The following RARS1 variants were observed in gnomAD, a reference collection of about 807,000 sequenced individuals.
RARS1 encodes arginine--tRNA ligase, cytoplasmic.
Under a neutral mutation model 78.7 loss-of-function variants are expected in RARS1, and 75 were observed. That is an observed-to-expected ratio of 0.95 (90% CI 0.79 to 1.15). RARS1 has a LOEUF of 1.15. Among genes scored for constraint, RARS1 ranks in the 50% most tolerant of loss-of-function variants. RARS1 has a pLI of 0.00. For synonymous variants in RARS1, 273 were observed against 268.2 expected, an observed-to-expected ratio of 1.02 and a Z score of -0.18; for missense variants, 787 against 787.5, an observed-to-expected ratio of 1.00 and a Z score of 0.01.
intron 13 of RARS1, among the ~76,000 whole-genome samples, chr5:168,517,231 C>G (rs766871892): frequency 1.1e-4 from 16 of 152,098 alleles, no homozygotes; most frequent in Non-Finnish European, 2.2e-4. Flanking sequence ...CAACCTCCAC[C>G]TCCCGGGTTC....
At chr5:168,507,767 G>A (rs956320564) in intron 11 of RARS1, among the ~76,000 whole-genome samples, 9 of 152,044 alleles carry the variant, frequency 5.9e-5, no homozygotes, top group African/African-American at 1.9e-4. Flanking sequence ...GCTAGGCAAA[G>A]TGGCTCTCAC....
Position 168,486,518 on chromosome 5 carries a change from A to G in RARS1, c.20A>G (p.Glu7Gly), listed in dbSNP as rs757722024. MDVLVSECSARLLQQEE... is the reference protein window; with the variant it reads MDVLVSGCSARLLQQEE... ...GGGAGGATGGACGTACTGGTGTCTG[A>G]GTGCTCCGCGCGGCTGCTGCAGCAG... The change falls in exon 1 of 15, where the codon GAG becomes GGG. Residue 7 changes from glutamate to glycine, a missense_variant. By Grantham distance (98) the Glu-to-Gly change is moderately conservative. Coordinates refer to ENST00000231572, the MANE Select transcript of RARS1 (RefSeq NM_002887.4). 3 of 1,559,138 alleles carry G rather than the reference A, an allele frequency of 1.9e-6. No homozygotes were observed. In the Admixed American group the frequency reaches 5.9e-5, roughly 30 times the overall value.
chr5:168,515,775 T>G (rs1758655195), intron 12 of RARS1, among the ~76,000 whole-genome samples: 2 of 152,234 alleles, frequency 1.3e-5, no homozygotes, highest in African/African-American at 2.4e-5. Context: ...CAGAACTGCC[T>G]TGTGTCACAC....
intron 11 of RARS1, among the ~76,000 whole-genome samples, chr5:168,507,125 C>T (rs1246700825): frequency 6.6e-6 from 1 of 152,158 alleles, no homozygotes; most frequent in African/African-American, 2.4e-5. Flanking sequence ...ATTACAGTAC[C>T]TGCTCAGATT....
Position 168,486,492 on chromosome 5 carries a change from T to G in RARS1, c.-7T>G. The G allele has an allele frequency of 1.3e-6, 2 of 1,557,542 alleles. 1 individual carries two copies. Among genetic ancestry groups the G allele is most frequent in the South Asian group, 2.4e-5 (2 of 84,570 alleles). On this transcript the variant is annotated 5_prime_UTR_variant, in exon 1 of 15. The change abolishes an upstream ATG in the 5' untranslated region. Transcript: ENST00000231572. ...GTCCACTTGGCGAGTGAGACGCTGA[T>G]GGGAGGATGGACGTACTGGTGTCTG... is the stretch of plus-strand genomic sequence containing the variant.
chr5:168,508,275 C>T (rs936247543), intron 11 of RARS1, among the ~76,000 whole-genome samples: 6 of 151,370 alleles, frequency 4.0e-5, no homozygotes, highest in African/African-American at 1.5e-4. Context: ...TTTTTCTGCA[C>T]TCAGCAGCAT....
At chr5:168,487,141 T>TC (rs1190309871) in intron 1 of RARS1, among the ~76,000 whole-genome samples, 2 of 151,980 alleles carry the variant, frequency 1.3e-5, no homozygotes, top group African/African-American at 2.4e-5. Context: ...GGTGGGCGGA[T>TC]CACGATGTCA....
intron 3 of RARS1, 133 bp downstream of exon 3, chr5:168,492,980 G>A: frequency 1.1e-6 from 1 of 908,556 alleles, no homozygotes; most frequent in Non-Finnish European, 1.6e-6. Context: ...TGAAAAACTT[G>A]AGAAAGGAGT....
chr5:168,513,054 T>C (rs1008294044), intron 12 of RARS1, among the ~76,000 whole-genome samples: 1 of 149,704 alleles, frequency 6.7e-6, no homozygotes, highest in African/African-American at 2.4e-5. Flanking sequence ...TTTCTTTCCT[T>C]TTTTTTTTTG....
intron 12 of RARS1, among the ~76,000 whole-genome samples, chr5:168,516,512 G>A (rs1422927327): frequency 6.6e-6 from 1 of 152,108 alleles, no homozygotes; most frequent in Non-Finnish European, 1.5e-5. Context: ...TGAATACACT[G>A]GAAAAAGGTA....
In RARS1 at chr5:168,488,589, T is replaced by C. The variant is rs571070004; in HGVS notation, c.46-13T>C. 1 of 1,595,356 alleles carries C rather than the reference T, an allele frequency of 6.3e-7. No individual in the cohort carries two copies. Among genetic ancestry groups the C allele is most frequent in the Non-Finnish European group, 8.5e-7 (1 of 1,174,470 alleles). On this transcript the variant is annotated splice_polypyrimidine_tract_variant and intron_variant, in intron 1 of 14. Coordinates refer to ENST00000231572, the MANE Select transcript of RARS1 (RefSeq NM_002887.4). ...AAGTTTATGGACTGAAAAAAGTGCT[T>C]TTTTTCCCACAGGAAGAAGAGATTA...
At chr5:168,508,092 T>A (rs1271941998) in intron 11 of RARS1, among the ~76,000 whole-genome samples, 1 of 152,188 alleles carries the variant, frequency 6.6e-6, no homozygotes, top group Non-Finnish European at 1.5e-5. Flanking sequence ...TAAAGTTTTT[T>A]AAAACAAACC....
intron 1 of RARS1, 73 bp downstream of exon 1, chr5:168,486,616 C>T (rs1757969493): frequency 2.7e-6 from 4 of 1,499,412 alleles, no homozygotes; most frequent in Non-Finnish European, 3.6e-6. Context: ...CAAGCGGCTT[C>T]GGGGGCGGGA....
In RARS1 at chr5:168,519,135, C is replaced by T; in HGVS notation, c.1928C>T (p.Ala643Val). 1 of 1,614,056 alleles carries T rather than the reference C, an allele frequency of 6.2e-7. No homozygotes were observed. Among genetic ancestry groups the T allele is most frequent in the Non-Finnish European group, 8.5e-7 (1 of 1,179,980 alleles). ...ATGCTGCTATGTGAAGCAGTAGCTG[C>T]TGTCATGGCCAAGGGGTTTGATATC... Reference protein sequence around the residue: ...WRMLLCEAVAAVMAKGFDILG... With the variant: ...WRMLLCEAVAVVMAKGFDILG... Residue 643 changes from alanine (A) to valine (V), a missense_variant, in exon 15 of 15, where the codon GCT (alanine) becomes GTT (valine). Ala to Val is a moderately conservative substitution (Grantham distance 64). Coordinates refer to ENST00000231572, the MANE Select transcript of RARS1 (RefSeq NM_002887.4).
chr5:168,490,852 T>C (rs2152903439), intron 2 of RARS1, among the ~76,000 whole-genome samples: 1 of 151,894 alleles, frequency 6.6e-6, no homozygotes, highest in East Asian at 1.9e-4. Context: ...AATAAAAAAT[T>C]GAGGTTGGGC....
Position 168,506,328 on chromosome 5 carries a change from T to G in RARS1, c.1236+129T>G, listed in dbSNP as rs1311274192. On this transcript the variant is annotated intron_variant, in intron 10 of 14. Coordinates refer to ENST00000231572, the MANE Select transcript of RARS1 (RefSeq NM_002887.4). ...AAGACTAAGATTCAGGACATCAGTA[T>G]AGCATAGAAGAAAGAAGAGGGTTTG... The G allele has an allele frequency of 5.1e-6, 4 of 783,746 alleles. No individual in the cohort carries two copies. The African/African-American group carries it at 5.4e-5, about 10-fold the overall frequency. The allele number at this position is 783,746 out of a possible 1,614,324, so 48.5% of individuals were successfully genotyped here.
intron 12 of RARS1, among the ~76,000 whole-genome samples, chr5:168,514,277 T>G (rs1758622110): frequency 6.6e-6 from 1 of 152,240 alleles, no homozygotes; most frequent in Non-Finnish European, 1.5e-5. Context: ...GTTAGGAGAA[T>G]TCTTGGCCCT....
At chr5:168,490,396 C>T (rs1319323047) in intron 2 of RARS1, among the ~76,000 whole-genome samples, 1 of 151,900 alleles carries the variant, frequency 6.6e-6, no homozygotes, top group Non-Finnish European at 1.5e-5. Flanking sequence ...TCGAACTCCT[C>T]GCCTCAAGTA....
chr5:168,510,375 G>C (rs754969421), intron 11 of RARS1, among the ~76,000 whole-genome samples: 26 of 152,286 alleles, frequency 1.7e-4, no homozygotes, highest in Non-Finnish European at 2.8e-4. Context: ...GTTTCATGTA[G>C]TACTCTCCTT....
Sources: gnomAD v4.1 joint callset for allele counts (sites outside exome capture counted in the v4.1 genomes callset) on GRCh38, gnomAD v4.1.1 for gene constraint, MANE v1.5 for transcripts, NCBI Gene and HGNC (gene_info 2026-07-23, HGNC 2026-07-21) for gene names.